Variants in LAMA3 observed in about 807,000 individuals in gnomAD.
LAMA3 encodes laminin subunit alpha-3.
LAMA3 carries 281 observed loss-of-function variants against 402.0 expected under a neutral mutation model. The ratio of observed to expected loss-of-function variants is 0.70; its 90% CI spans 0.63 to 0.77. The LOEUF is 0.77. Ranked by LOEUF, LAMA3 falls within the 30% of genes least tolerant of loss-of-function variation. The pLI is 0.00. For missense variants in LAMA3, 3,840 were observed against 4,215.5 expected (o/e 0.91, Z 2.47); for synonymous variants, 1,431 against 1,558.4 (o/e 0.92, Z 1.93).
At chr18:23,810,695 C>T (rs988494742) in intron 13 of LAMA3, among the ~76,000 whole-genome samples, 192 bp downstream of exon 13, 25 of 152,096 alleles carry the variant, frequency 1.6e-4, no homozygotes, top group African/African-American at 5.8e-4. Flanking sequence ...ATATATGTAC[C>T]CTCAAAGGAA....
intron 59 of LAMA3, among the ~76,000 whole-genome samples, chr18:23,916,201 A>T (rs2081615468): frequency 6.6e-6 from 1 of 152,078 alleles, no homozygotes. Flanking sequence ...TATGAGGTGG[A>T]CCAAATATTT....
chr18:23,921,416 T>C (rs201600584), intron 61 of LAMA3, 36 bp from the exon 62 acceptor site: 7 of 1,607,680 alleles, frequency 4.4e-6, no homozygotes, highest in Non-Finnish European at 1.7e-6. Context: ...TCTCTTATTT[T>C]CGCTGGCTTG....
intron 47 of LAMA3, 80 bp downstream of exon 47, chr18:23,899,535 C>A: frequency 1.4e-6 from 2 of 1,403,908 alleles, no homozygotes; most frequent in Non-Finnish European, 2.0e-6. Context: ...ATGTAGAGTT[C>A]CCCGTTATAG....
chr18:23,953,094 C>T lies in LAMA3; in HGVS notation c.9841C>T (p.Leu3281Phe), dbSNP rs199947949. 2 of 1,614,102 alleles carry T rather than the reference C, an allele frequency of 1.2e-6. No homozygotes were observed. Among genetic ancestry groups the T allele is most frequent in the Non-Finnish European group, 1.7e-6 (2 of 1,179,964 alleles). ...PPASTQEPLH[L>F]GGAPANLTTL... ...TGCCAGCACTCAAGAGCCACTACAC[C>T]TTGGAGGTGCTCCAGGTAACTCTTG... Residue 3281 changes from leucine (L) to phenylalanine (F), a missense_variant, in exon 74 of 75, where the codon CTT (leucine) becomes TTT (phenylalanine). Physicochemically the swap from Leu to Phe is conservative, Grantham distance 22. This residue lies in a region of LAMA3 where 840 missense variants were observed against 981.9 expected (regional missense o/e 0.86). Coordinates refer to ENST00000313654, the MANE Select transcript of LAMA3 (RefSeq NM_198129.4).
At chr18:23,837,160 A>C in intron 25 of LAMA3, 71 bp downstream of exon 25, 1 of 1,073,496 alleles carries the variant, frequency 9.3e-7, no homozygotes, top group Non-Finnish European at 1.4e-6. Context: ...AAGCTTATTA[A>C]AATTTTGGCT....
In LAMA3 at chr18:23,747,586, G is replaced by C. The variant is rs554621181; in HGVS notation, c.448-357G>C. On this transcript the variant is annotated intron_variant, in intron 2 of 74. Transcript: ENST00000313654. ...GCTGTTCTCCTGGTTCTTGGCCCTG[G>C]GAGGGTTTAGCACGTAATGACTACT... 2.0e-5 allele frequency among the ~76,000 whole-genome samples: 3 copies of C among 152,260 alleles called. No homozygotes were observed. The East Asian group carries it at 5.8e-4, about 29-fold the overall frequency.
chr18:23,840,724 C>A (rs559662107), intron 27 of LAMA3, among the ~76,000 whole-genome samples: 1 of 152,012 alleles, frequency 6.6e-6, no homozygotes, highest in African/African-American at 2.4e-5. Flanking sequence ...TAATGCATTC[C>A]GTAAGCTAAA....
chr18:23,759,229 T>A (rs1164991455), intron 7 of LAMA3, among the ~76,000 whole-genome samples: 1 of 149,420 alleles, frequency 6.7e-6, no homozygotes, highest in African/African-American at 2.5e-5. Context: ...CCCAGCTACT[T>A]GGGAGGTGGA....
chr18:23,859,652 A>G (rs2064167053), intron 34 of LAMA3, among the ~76,000 whole-genome samples: 1 of 152,214 alleles, frequency 6.6e-6, no homozygotes. Flanking sequence ...GGTTCCAGGC[A>G]TGGGAGTTAG....
At chr18:23,875,990 A>C (rs1035072468) in intron 38 of LAMA3, among the ~76,000 whole-genome samples, 2 of 152,124 alleles carry the variant, frequency 1.3e-5, no homozygotes, top group South Asian at 4.2e-4. Context: ...AAATATTCAC[A>C]CTCACTGAAG....
intron 19 of LAMA3, among the ~76,000 whole-genome samples, chr18:23,821,177 T>C (rs1349141431): frequency 6.6e-6 from 1 of 152,204 alleles, no homozygotes; most frequent in East Asian, 1.9e-4. Context: ...TAATGACGCA[T>C]TTTCTGATAA....
chr18:23,747,981 T>C lies in LAMA3; in HGVS notation c.486T>C (p.Asn162=). The C allele has an allele frequency of 6.2e-7, 1 of 1,612,472 alleles. No individual in the cohort carries two copies. The part of the protein sequence containing the change: ...HVAYILIKFA[N]SPRPDLWVLE... ...CCTATATTTTAATCAAATTTGCAAATTCTCCTCGCCCTGATCTTTGGGTCT... is the reference window on the plus strand; with the variant it reads ...CCTATATTTTAATCAAATTTGCAAACTCTCCTCGCCCTGATCTTTGGGTCT... The change falls in exon 3 of 75, where the codon AAT becomes AAC. Residue 162 remains asparagine, a synonymous_variant. Coordinates refer to ENST00000313654, the MANE Select transcript of LAMA3 (RefSeq NM_198129.4).
At chr18:23,778,969 T>G (rs1378744925) in intron 11 of LAMA3, among the ~76,000 whole-genome samples, 2 of 152,092 alleles carry the variant, frequency 1.3e-5, no homozygotes, top group Non-Finnish European at 2.9e-5. Flanking sequence ...CAGATTTAAA[T>G]TAGAGCAGTC....
intron 12 of LAMA3, among the ~76,000 whole-genome samples, chr18:23,801,152 G>A (rs1407898405): frequency 1.3e-5 from 2 of 152,196 alleles, no homozygotes; most frequent in African/African-American, 2.4e-5. Flanking sequence ...GGATGCAGCT[G>A]AAGGCCATTA....
At chr18:23,735,731 C>T (rs757987401) in intron 2 of LAMA3, among the ~76,000 whole-genome samples, 20 of 152,268 alleles carry the variant, frequency 1.3e-4, no homozygotes, top group Middle Eastern at 6.8e-3. Flanking sequence ...GAGCGTCCCC[C>T]TAGGCATGCT....
Position 23,836,994 on chromosome 18 carries a change from A to C in LAMA3, c.2998A>C (p.Ser1000Arg), listed in dbSNP as rs1568236933. ...TTTCTCTTGCAGTGTTCTCTGCCGG[A>C]GTGCTGTGATTGATCACATGAGCCG... Reference protein sequence around the residue: ...YSCNYSVLCRSAVIDHMSRIA... With the variant: ...YSCNYSVLCRRAVIDHMSRIA... The change falls in exon 25 of 75, where the codon AGT (serine) becomes CGT (arginine). Residue 1000 changes from serine to arginine, a missense_variant. Transcript: ENST00000313654. The C allele has an allele frequency of 1.2e-6, 2 of 1,613,526 alleles. No homozygotes were observed. The highest frequency in any genetic ancestry group is 8.5e-7 in the Non-Finnish European group (1 of 1,179,668).
chr18:23,784,171 A>G lies in LAMA3; in HGVS notation c.1603+14A>G. 1.9e-6 allele frequency: 3 copies of G among 1,614,068 alleles called. No individual in the cohort carries two copies. The highest frequency in any genetic ancestry group is 2.5e-6 in the Non-Finnish European group (3 of 1,179,956). ...CTATTTGCCAAGGTAAGTGGGCAGAACATAGCATATTCATAATCAATCCCT... is the reference window on the plus strand; with the variant it reads ...CTATTTGCCAAGGTAAGTGGGCAGAGCATAGCATATTCATAATCAATCCCT... On this transcript the variant is annotated intron_variant, in intron 12 of 74. Coordinates refer to ENST00000313654, the MANE Select transcript of LAMA3 (RefSeq NM_198129.4).
chr18:23,799,426 C>T (rs893760763), intron 12 of LAMA3, among the ~76,000 whole-genome samples: 2 of 152,250 alleles, frequency 1.3e-5, no homozygotes, highest in Non-Finnish European at 2.9e-5. Flanking sequence ...AAATGAGAAG[C>T]GTGTTGCCAG....
In LAMA3 at chr18:23,954,543, C is replaced by T. The variant is rs2145593572; in HGVS notation, c.9897C>T (p.Phe3299=). The T allele has an allele frequency of 1.2e-6, 2 of 1,613,870 alleles. No homozygotes were observed. The highest frequency in any genetic ancestry group is 8.5e-7 in the Non-Finnish European group (1 of 1,179,906). The change falls in exon 75 of 75, where the codon TTC becomes TTT. Residue 3299 remains phenylalanine (F), a synonymous_variant. Coordinates refer to ENST00000313654, the MANE Select transcript of LAMA3 (RefSeq NM_198129.4). ...TTLRIPVWKS[F]FGCLRNIHVN... ...TGAGGATCCCTGTGTGGAAATCATTCTTTGGCTGTCTGAGGAATATTCATG... is the reference window on the plus strand; with the variant it reads ...TGAGGATCCCTGTGTGGAAATCATTTTTTGGCTGTCTGAGGAATATTCATG...
Sources: allele counts gnomAD v4.1 joint callset (sites outside exome capture counted in the v4.1 genomes callset), GRCh38; gene constraint gnomAD v4.1.1; regional missense constraint gnomAD v4.1.1; transcripts MANE v1.5; gene names NCBI Gene and HGNC (gene_info 2026-07-23, HGNC 2026-07-21).